ATP8B4: variants seen among roughly 807,000 people sequenced by gnomAD.
The protein encoded by ATP8B4 is ATPase phospholipid transporting 8B4 (putative).
A neutral mutation model predicts 145.6 loss-of-function variants in ATP8B4; 133 were observed. The observed-to-expected ratio is 0.91, with a 90% confidence interval of 0.79 to 1.05. ATP8B4 has a LOEUF of 1.05. Ranked by LOEUF, ATP8B4 falls within the 50% of genes least tolerant of loss-of-function variation. The probability of loss-of-function intolerance (pLI) is 0.00; values close to 1 mark genes in which losing one functional copy is unlikely to be tolerated. For missense variants in ATP8B4, 1,458 were observed against 1,425.2 expected (o/e 1.02, Z -0.37); for synonymous variants, 507 against 492.9 (o/e 1.03, Z -0.38).
Position 50,181,273 on chromosome 15 carries a change from T to A in ATP8B4, c.-43+988A>T, listed in dbSNP as rs74493591. On this transcript the variant is annotated intron_variant, in intron 1 of 3. Coordinates refer to the ATP8B4 transcript ENST00000558829. ...TAAAACACTACTTAGATCCTGACCC[T>A]CCTCAGTGGCAAGTAGTGAGCATTC... is the stretch of plus-strand genomic sequence containing the variant. 1.5e-3 allele frequency among the ~76,000 whole-genome samples: 227 copies of A among 152,300 alleles called. 3 individuals carry two copies. In the East Asian group the frequency reaches 0.038, roughly 26 times the overall value.
At chr15:49,866,680 A>G (rs939481317) in intron 25 of ATP8B4, among the ~76,000 whole-genome samples, 196 bp from the exon 26 acceptor site, 1 of 152,210 alleles carries the variant, frequency 6.6e-6, no homozygotes, top group African/African-American at 2.4e-5. Context: ...TAGAAAATTG[A>G]CTTTAGAACT....
chr15:50,116,593 C>A (rs1295275871), intron 1 of ATP8B4, among the ~76,000 whole-genome samples: 1 of 151,952 alleles, frequency 6.6e-6, no homozygotes, highest in Non-Finnish European at 1.5e-5. Context: ...ATGACCTCAC[C>A]CAGAAAGGAC....
intron 3 of ATP8B4, among the ~76,000 whole-genome samples, chr15:50,064,725 T>C (rs1188532551): frequency 2.6e-5 from 4 of 152,276 alleles, no homozygotes; most frequent in Admixed American, 2.6e-4. Flanking sequence ...TTTAATTAGC[T>C]CATGGTTCTG....
chr15:50,157,100 C>T (rs1276896453), intron 1 of ATP8B4, among the ~76,000 whole-genome samples: 13 of 152,064 alleles, frequency 8.5e-5, no homozygotes, highest in Admixed American at 8.5e-4. Flanking sequence ...GAAAGAACCA[C>T]AAGTAAATTT....
chr15:49,879,202 A>G (rs563776412), intron 24 of ATP8B4, among the ~76,000 whole-genome samples, 174 bp downstream of exon 24: 1 of 152,292 alleles, frequency 6.6e-6, no homozygotes, highest in South Asian at 2.1e-4. Flanking sequence ...AAGCTAGGGT[A>G]TAGGGGTAAG....
intron 13 of ATP8B4, among the ~76,000 whole-genome samples, chr15:49,968,112 G>A (rs2044721250): frequency 6.6e-6 from 1 of 152,126 alleles, no homozygotes; most frequent in Non-Finnish European, 1.5e-5. Context: ...CCTTACAAGA[G>A]CTCCTGAAAG....
chr15:50,063,462 A>G (rs1019065932), intron 3 of ATP8B4, among the ~76,000 whole-genome samples: 2 of 152,154 alleles, frequency 1.3e-5, no homozygotes, highest in African/African-American at 4.8e-5. Flanking sequence ...TAAAGTCCAC[A>G]TAGATACAAT....
rs574604218 is a variant in ATP8B4, at chr15:49,948,631, C to T, written c.1287+13346G>A. Among the ~76,000 whole-genome samples, 4 of 152,202 alleles carry T rather than the reference C, an allele frequency of 2.6e-5. No homozygotes were observed. In the East Asian group the frequency reaches 7.7e-4, roughly 29 times the overall value. ...AGAAGTGTCTGTTCATATACTTTGC[C>T]GACTTTTTGATGGAGTTGTCTTTTT... On this transcript the variant is annotated intron_variant, in intron 14 of 27. Coordinates refer to ENST00000284509, the MANE Select transcript of ATP8B4 (RefSeq NM_024837.4).
At position 50,051,585 on chromosome 15, in the gene ATP8B4, T is replaced by C. The variant is rs74738872; in HGVS notation, c.88-4121A>G. Among the ~76,000 whole-genome samples the C allele has an allele frequency of 2.3e-4, 35 of 152,290 alleles. No individual in the cohort carries two copies. In the East Asian group the frequency reaches 5.6e-3, roughly 24 times the overall value. The stretch of plus-strand genomic sequence containing the variant: ...CTCAAGAAGTTAACACACTGCAAAA[T>C]AGGGTGTTGGTACTGTCAATCACAT... On this transcript the variant is annotated intron_variant, in intron 3 of 27. Coordinates refer to ENST00000284509, the MANE Select transcript of ATP8B4 (RefSeq NM_024837.4).
chr15:50,022,195 A>G (rs1567213597), intron 6 of ATP8B4, among the ~76,000 whole-genome samples: 1 of 152,190 alleles, frequency 6.6e-6, no homozygotes, highest in Admixed American at 6.5e-5. Context: ...ATTTCCCTAA[A>G]AAGTAGACAT....
chr15:49,978,620 C>T lies in ATP8B4; in HGVS notation c.1034+997G>A, dbSNP rs186114532. ...AAGTACTGATGATGAGAACTGTCAACCAACCAAGTCCCATCTTAGCTCCAA... is the reference window on the plus strand; with the variant it reads ...AAGTACTGATGATGAGAACTGTCAATCAACCAAGTCCCATCTTAGCTCCAA... On this transcript the variant is annotated intron_variant, in intron 12 of 27. Transcript: ENST00000284509. 5.5e-4 allele frequency among the ~76,000 whole-genome samples: 84 copies of T among 152,166 alleles called. 3 individuals are homozygous for T. The Middle Eastern group carries it at 0.017, about 31-fold the overall frequency.
chr15:50,098,500 T>C lies in ATP8B4; in HGVS notation c.28+8439A>G, dbSNP rs569169114. ...GGTATTGCTATGTGGCCCAGGCTGG[T>C]CTCAAACTCCTGGCCTCAAGTGATC... On this transcript the variant is annotated intron_variant, in intron 2 of 27. Transcript: ENST00000284509. 2.6e-5 allele frequency among the ~76,000 whole-genome samples: 4 copies of C among 151,546 alleles called. No individual in the cohort carries two copies. In the South Asian group the frequency reaches 8.4e-4, roughly 32 times the overall value.
intron 3 of ATP8B4, among the ~76,000 whole-genome samples, chr15:50,070,730 T>C (rs761513018): frequency 2.6e-5 from 4 of 152,094 alleles, no homozygotes; most frequent in Non-Finnish European, 5.9e-5. Flanking sequence ...TTTTTTGTGT[T>C]GTGTTTTGTT....
chr15:50,153,425 GC>G (rs1191597456), intron 1 of ATP8B4, among the ~76,000 whole-genome samples: 1 of 148,906 alleles, frequency 6.7e-6, no homozygotes, highest in Non-Finnish European at 1.5e-5. Flanking sequence ...TGCAACCTCC[GC>G]CCCCCAGGTT....
intron 23 of ATP8B4, chr15:49,895,962 T>G (rs1451005773): frequency 6.6e-6 from 1 of 152,224 alleles, no homozygotes; most frequent in Non-Finnish European, 1.5e-5. Flanking sequence ...ATATGAAAAT[T>G]AGATCTCTTA....
At chr15:49,918,049 A>G (rs969715724) in intron 19 of ATP8B4, among the ~76,000 whole-genome samples, 2 of 152,336 alleles carry the variant, frequency 1.3e-5, no homozygotes, top group East Asian at 3.9e-4. Flanking sequence ...TATAAAAAAT[A>G]CCTAATAAGT....
chr15:49,975,908 G>A (rs1273672377), intron 12 of ATP8B4, among the ~76,000 whole-genome samples: 1 of 151,952 alleles, frequency 6.6e-6, no homozygotes, highest in Non-Finnish European at 1.5e-5. Context: ...AAATAGTTAC[G>A]GTAATAGCAG....
intron 2 of ATP8B4, among the ~76,000 whole-genome samples, chr15:50,094,047 A>G (rs973089359): frequency 1.3e-5 from 2 of 152,192 alleles, no homozygotes; most frequent in African/African-American, 4.8e-5. Flanking sequence ...GATAAACTAA[A>G]GTATGTCTGT....
At chr15:50,098,266 ATTTTTTTTTTTTTTTTTTT>A (rs71124319) in intron 2 of ATP8B4, among the ~76,000 whole-genome samples, 2 of 41,768 alleles carry the variant, frequency 4.8e-5, no homozygotes, top group African/African-American at 8.4e-5. Flanking sequence ...TTGTCAGGTG[ATTTTTTTTTTTTTTTTTTT>A]TTTTTTTTTT....
Sources: allele counts gnomAD v4.1 joint callset (sites outside exome capture counted in the v4.1 genomes callset), GRCh38; gene constraint gnomAD v4.1.1; transcripts MANE v1.5; gene names NCBI Gene and HGNC (gene_info 2026-07-23, HGNC 2026-07-21).